Variants in FER1L5 observed in about 807,000 individuals in gnomAD.
FER1L5 encodes fer-1 like family member 5.
FER1L5 carries 187 observed loss-of-function variants against 279.9 expected under a neutral mutation model. The observed-to-expected ratio is 0.67, with a 90% CI of 0.59 to 0.75. The LOEUF (loss-of-function observed/expected upper bound fraction) is 0.75. Ranked by LOEUF, FER1L5 falls within the 30% of genes least tolerant of loss-of-function variation. The pLI, the probability that FER1L5 is intolerant of heterozygous loss-of-function variation, is 0.00. For missense variants in FER1L5, 2,091 were observed against 2,594.4 expected, an observed-to-expected ratio of 0.81 and a Z score of 4.21; for synonymous variants, 921 against 989.7, an observed-to-expected ratio of 0.93 and a Z score of 1.30.
Position 96,704,514 on chromosome 2 carries a change from C to A in FER1L5, c.5996C>A (p.Pro1999His). Residue 1999 changes from proline to histidine, a missense_variant, in exon 53 of 53, where the codon CCT becomes CAT. Coordinates refer to ENST00000624922, the MANE Select transcript of FER1L5 (RefSeq NM_001293083.2). The part of the protein sequence containing the change: ...SWIKPQLQLY[P>H]PIKIFNIINS... The stretch of plus-strand genomic sequence containing the variant: ...ATCAAACCTCAACTTCAGCTGTATC[C>A]TCCCATTAAAATATTCAATATCATC... 6.2e-7 allele frequency: 1 copy of A among 1,613,874 alleles called. No individual in the cohort carries two copies. The highest frequency in any genetic ancestry group is 2.2e-5 in the East Asian group (1 of 44,874).
intron 7 of FER1L5, chr2:96,652,223 T>G: frequency 1.5e-6 from 1 of 665,642 alleles, no homozygotes; most frequent in South Asian, 1.9e-5. Context: ...GGTGGGCTGG[T>G]GGGGGCACAA....
In FER1L5 at chr2:96,661,331, C is replaced by T. The variant is rs2075946597; in HGVS notation, c.785C>T (p.Thr262Ile). Residue 262 changes from threonine (T) to isoleucine (I), a missense_variant, in exon 11 of 53, where the codon ACA becomes ATA. Coordinates refer to ENST00000624922, the MANE Select transcript of FER1L5 (RefSeq NM_001293083.2). Reference sequence around the variant, plus strand: ...GGCCTTTCTGCCTCTCTAGGTCACACACTCCTAAGGAAATGGCTAGGCCTC... The same window carrying T: ...GGCCTTTCTGCCTCTCTAGGTCACATACTCCTAAGGAAATGGCTAGGCCTC... Reference protein sequence around the residue: ...IGFIYHSPGHTLLRKWLGLCQ... With the variant: ...IGFIYHSPGHILLRKWLGLCQ... 4 of 1,541,146 alleles carry T rather than the reference C, an allele frequency of 2.6e-6. No individual in the cohort carries two copies. Among genetic ancestry groups the T allele is most frequent in the African/African-American group, 1.4e-5 (1 of 72,538 alleles).
intron 6 of FER1L5, among the ~76,000 whole-genome samples, chr2:96,651,316 T>A (rs555387141): frequency 4.6e-5 from 7 of 151,158 alleles, no homozygotes; most frequent in South Asian, 2.1e-4. Flanking sequence ...CCTTCCTTCC[T>A]TCTTTCTCTC....
intron 14 of FER1L5, among the ~76,000 whole-genome samples, chr2:96,666,786 G>A (rs1452987874): frequency 2.0e-5 from 3 of 151,958 alleles, no homozygotes; most frequent in Non-Finnish European, 4.4e-5. Flanking sequence ...GAGTAGCTGG[G>A]ACTACATGCA....
chr2:96,645,745 C>T (rs1355098248), intron 1 of FER1L5, among the ~76,000 whole-genome samples: 1 of 152,074 alleles, frequency 6.6e-6, no homozygotes, highest in East Asian at 1.9e-4. Flanking sequence ...CACTGTACTC[C>T]AGCCTGGGTG....
At chr2:96,656,850 G>C (rs2106478897) in intron 9 of FER1L5, among the ~76,000 whole-genome samples, 1 of 149,592 alleles carries the variant, frequency 6.7e-6, no homozygotes, top group East Asian at 1.9e-4. Context: ...TCATCTTCAG[G>C]GAATCATTTT....
At chr2:96,668,440 G>A (rs780778148) in intron 14 of FER1L5, among the ~76,000 whole-genome samples, 1 of 152,126 alleles carries the variant, frequency 6.6e-6, no homozygotes, top group Non-Finnish European at 1.5e-5. Context: ...AGGCTGAGGC[G>A]GGAGGATCGT....
chr2:96,684,599 C>G, intron 20 of FER1L5, 148 bp downstream of exon 20: 1 of 1,246,806 alleles, frequency 8.0e-7, no homozygotes, highest in Non-Finnish European at 1.1e-6. Flanking sequence ...GTGCCAGAAG[C>G]AGGGTAGGCA....
intron 14 of FER1L5, among the ~76,000 whole-genome samples, chr2:96,665,130 C>CAGTG (rs1400310086): frequency 6.6e-6 from 1 of 152,166 alleles, no homozygotes; most frequent in East Asian, 1.9e-4. Flanking sequence ...CTTCTAAGAG[C>CAGTG]AGTGTGTAAA....
intron 13 of FER1L5, 30 bp from the exon 14 acceptor site, chr2:96,663,409 T>G (rs998364758): frequency 4.1e-5 from 64 of 1,550,384 alleles, no homozygotes; most frequent in Non-Finnish European, 5.4e-5. Context: ...GGGGGCAGGC[T>G]GGCACCAACA....
At chr2:96,661,579 C>G in intron 11 of FER1L5, 89 bp from the exon 12 acceptor site, 1 of 1,534,690 alleles carries the variant, frequency 6.5e-7, no homozygotes, top group Non-Finnish European at 8.8e-7. Flanking sequence ...CCCCCCTGCA[C>G]CAAGTGGGAA....
intron 20 of FER1L5, 78 bp from the exon 21 acceptor site, chr2:96,685,251 G>T (rs959607410): frequency 3.9e-6 from 5 of 1,281,838 alleles, no homozygotes; most frequent in African/African-American, 3.0e-5. Context: ...AACATCTTGG[G>T]CCAATCAGCC....
chr2:96,681,696 A>T (rs1005449093), intron 19 of FER1L5, among the ~76,000 whole-genome samples: 1 of 152,048 alleles, frequency 6.6e-6, no homozygotes, highest in African/African-American at 2.4e-5. Flanking sequence ...TCATTCACTG[A>T]CTGCTGTGTA....
In FER1L5 at chr2:96,696,139, T is replaced by C. The variant is rs1396486369; in HGVS notation, c.4083+62T>C. 1.9e-6 allele frequency: 3 copies of C among 1,602,982 alleles called. No homozygotes were observed. In the Admixed American group the frequency reaches 5.1e-5, roughly 27 times the overall value. ...GTTGACGGGGTATAACCCTTGGGCC[T>C]AAGGAGGGGTGTCCATTAAACAGTC... On this transcript the variant is annotated intron_variant, in intron 37 of 52. Transcript: ENST00000624922.
intron 12 of FER1L5, 29 bp from the exon 13 acceptor site, chr2:96,662,186 T>C (rs763199052): frequency 1.3e-6 from 2 of 1,550,734 alleles, no homozygotes; most frequent in East Asian, 2.4e-5. Context: ...TGCTGCTGGC[T>C]CAGATATCTT....
chr2:96,699,013 C>T, intron 41 of FER1L5, 32 bp from the exon 42 acceptor site: 1 of 1,585,640 alleles, frequency 6.3e-7, no homozygotes, highest in Non-Finnish European at 8.6e-7. Flanking sequence ...CTCCCCAGTT[C>T]CTATCCTTCC....
At chr2:96,701,491 A>T (rs1340210575) in intron 45 of FER1L5, among the ~76,000 whole-genome samples, 2 of 151,800 alleles carry the variant, frequency 1.3e-5, no homozygotes, top group African/African-American at 4.8e-5. Context: ...TTTCCTCTGT[A>T]TGTGTGGCTA....
Position 96,698,589 on chromosome 2 carries a change from A to G in FER1L5, c.4357-82A>G. On this transcript the variant is annotated intron_variant, in intron 40 of 52. Transcript: ENST00000624922. The surrounding 1 kb of genome is among the most constrained non-coding windows in gnomAD (Gnocchi z 5.5). ...CAGCCCAACCCTCTCTCTCCTGAAC[A>G]TGGGCTGGGGCACCTCCCAGAGGGC... 1 of 1,209,770 alleles carries G rather than the reference A, an allele frequency of 8.3e-7. No homozygotes were observed. The highest frequency in any genetic ancestry group is 1.5e-5 in the African/African-American group (1 of 66,562). The allele number at this position is 1,209,770 out of a possible 1,614,324, so 74.9% of individuals were successfully genotyped here. A position where few individuals can be genotyped will look rare whatever the true frequency, so the allele number is the denominator to read the frequency against.
intron 31 of FER1L5, among the ~76,000 whole-genome samples, chr2:96,693,053 G>A (rs1031828121): frequency 3.9e-5 from 6 of 152,088 alleles, no homozygotes; most frequent in African/African-American, 7.2e-5. Context: ...GCGGGCGGCT[G>A]TAATCCCAGC....
Sources: allele counts gnomAD v4.1 joint callset (sites outside exome capture counted in the v4.1 genomes callset), GRCh38; gene constraint gnomAD v4.1.1; non-coding constraint Gnocchi (gnomAD v3.1); transcripts MANE v1.5; gene names NCBI Gene and HGNC (gene_info 2026-07-23, HGNC 2026-07-21).